The following HDAC9 variants were observed in gnomAD, a reference collection of about 807,000 sequenced individuals.
HDAC9 encodes histone deacetylase 9.
In HDAC9, 41 loss-of-function variants were observed where a neutral mutation model predicts 139.4. The observed-to-expected ratio is 0.29, with a 90% CI of 0.23 to 0.38. HDAC9 has a LOEUF of 0.38. HDAC9 is among the 10% of genes least tolerant of loss of function. HDAC9 has a pLI of 1.00. For missense variants in HDAC9, 1,147 were observed against 1,297.0 expected (o/e 0.88, Z 1.78); for synonymous variants, 517 against 476.2 (o/e 1.09, Z -1.12).
intron 1 of HDAC9, among the ~76,000 whole-genome samples, chr7:18,393,264 A>C (rs1427601103): frequency 6.6e-6 from 1 of 152,178 alleles, no homozygotes; most frequent in Non-Finnish European, 1.5e-5. Flanking sequence ...ATCCTGGACA[A>C]GAGAAGAAAC....
chr7:18,570,660 G>T (rs1823980576), intron 2 of HDAC9, among the ~76,000 whole-genome samples: 1 of 152,062 alleles, frequency 6.6e-6, no homozygotes, highest in Admixed American at 6.5e-5. Context: ...TGTGACCTTG[G>T]CCAAGCTCCT....
chr7:18,696,925 C>G (rs1226425344), intron 12 of HDAC9, among the ~76,000 whole-genome samples: 3 of 151,796 alleles, frequency 2.0e-5, no homozygotes, highest in African/African-American at 4.8e-5. Flanking sequence ...ATCATTGGCG[C>G]TGAGGAAGAG....
chr7:18,722,230 A>G (rs1352281000), intron 12 of HDAC9, among the ~76,000 whole-genome samples: 2 of 152,210 alleles, frequency 1.3e-5, no homozygotes, highest in Non-Finnish European at 2.9e-5. Flanking sequence ...TGAAAAAGAA[A>G]GACGAATACT....
At chr7:18,990,921 C>G (rs1273256004) in intron 25 of HDAC9, among the ~76,000 whole-genome samples, 2 of 152,332 alleles carry the variant, frequency 1.3e-5, no homozygotes, top group South Asian at 2.1e-4. Flanking sequence ...GGAGCGCGCA[C>G]CCACTGACCT....
intron 1 of HDAC9, among the ~76,000 whole-genome samples, chr7:18,295,974 C>G (rs1798116193): frequency 6.6e-6 from 1 of 152,050 alleles, no homozygotes. Flanking sequence ...AGTGCCTTGG[C>G]AATAGTAGAT....
At chr7:18,751,329 C>G (rs1217608489) in intron 14 of HDAC9, among the ~76,000 whole-genome samples, 1 of 152,042 alleles carries the variant, frequency 6.6e-6, no homozygotes, top group East Asian at 1.9e-4. Flanking sequence ...CTCACAAGCC[C>G]AGGTCAGCAG....
At chr7:18,280,635 C>T (rs1357280339) in intron 2 of HDAC9, among the ~76,000 whole-genome samples, 1 of 150,020 alleles carries the variant, frequency 6.7e-6, no homozygotes, top group Non-Finnish European at 1.5e-5. Context: ...TGTTGGCCTG[C>T]ACTTATAGTC....
At chr7:18,764,436 G>C (rs1216215599) in intron 15 of HDAC9, among the ~76,000 whole-genome samples, 3 of 152,022 alleles carry the variant, frequency 2.0e-5, no homozygotes, top group Admixed American at 6.6e-5. Context: ...CAGGCCTTAA[G>C]GTCGAGCACT....
At chr7:18,447,975 G>T (rs766979190) in intron 1 of HDAC9, among the ~76,000 whole-genome samples, 5 of 152,090 alleles carry the variant, frequency 3.3e-5, no homozygotes, top group Non-Finnish European at 5.9e-5. Context: ...CTAATAGCTG[G>T]GATTACAGAC....
chr7:18,404,601 T>C (rs1292987445), intron 1 of HDAC9, among the ~76,000 whole-genome samples: 1 of 152,250 alleles, frequency 6.6e-6, no homozygotes, highest in Non-Finnish European at 1.5e-5. Flanking sequence ...ATACTATTAA[T>C]AGTTAAGCTT....
chr7:18,737,683 G>A (rs1382019660), intron 13 of HDAC9, among the ~76,000 whole-genome samples: 1 of 152,174 alleles, frequency 6.6e-6, no homozygotes, highest in Non-Finnish European at 1.5e-5. Context: ...TCCCTATGAT[G>A]TGGTCAATTT....
chr7:18,334,454 C>T (rs892683378), intron 1 of HDAC9, among the ~76,000 whole-genome samples: 5 of 151,296 alleles, frequency 3.3e-5, no homozygotes, highest in South Asian at 2.1e-4. Context: ...ATAATATAAT[C>T]CTTATTATGT....
chr7:18,097,024 C>G (rs755826904), intron 1 of HDAC9, among the ~76,000 whole-genome samples: 1 of 151,940 alleles, frequency 6.6e-6, no homozygotes, highest in African/African-American at 2.4e-5. Context: ...TGGAAATATT[C>G]TATGTCTATG....
intron 2 of HDAC9, among the ~76,000 whole-genome samples, chr7:18,582,256 A>G (rs747177430): frequency 4.6e-5 from 7 of 152,202 alleles, no homozygotes; most frequent in Admixed American, 1.3e-4. Context: ...ATTAGATGCA[A>G]TTTGGAAAAA....
At chr7:18,393,439 G>A (rs1585587762) in intron 1 of HDAC9, among the ~76,000 whole-genome samples, 1 of 152,122 alleles carries the variant, frequency 6.6e-6, no homozygotes, top group South Asian at 2.1e-4. Flanking sequence ...ATGGTCACCT[G>A]TTTTAAATCA....
chr7:18,183,544 CT>C (rs1296607773), intron 2 of HDAC9, among the ~76,000 whole-genome samples: 1 of 152,208 alleles, frequency 6.6e-6, no homozygotes, highest in Non-Finnish European at 1.5e-5. Context: ...CTTACTCCAT[CT>C]TTTCCCCCAC....
chr7:18,559,223 C>G (rs191449188), intron 2 of HDAC9, among the ~76,000 whole-genome samples: 2 of 152,288 alleles, frequency 1.3e-5, no homozygotes, highest in East Asian at 3.9e-4. Flanking sequence ...GATTCTAAGA[C>G]AGCAAAGCCC....
At chr7:18,303,570 T>C (rs189260885) in intron 1 of HDAC9, among the ~76,000 whole-genome samples, 2 of 152,186 alleles carry the variant, frequency 1.3e-5, no homozygotes, top group East Asian at 1.9e-4. Context: ...TACATTTACG[T>C]TGAAAAGCAT....
At chr7:18,492,934 A>G (rs755763166), upstream of HDAC9, among the ~76,000 whole-genome samples, 8 of 151,864 alleles carry the variant, frequency 5.3e-5, no homozygotes, top group Non-Finnish European at 1.0e-4. Context: ...ATATTTTTTC[A>G]TTATCAAGAG....
Sources: allele counts gnomAD v4.1 joint callset (sites outside exome capture counted in the v4.1 genomes callset), GRCh38; gene constraint gnomAD v4.1.1; transcripts MANE v1.5; gene names NCBI Gene and HGNC (gene_info 2026-07-23, HGNC 2026-07-21).